Variants in PRKG1 observed in about 807,000 individuals in gnomAD.
PRKG1 encodes cGMP-dependent protein kinase 1.
Under a neutral mutation model 88.1 loss-of-function variants are expected in PRKG1, and 35 were observed. That is an observed-to-expected ratio of 0.40 (90% CI 0.30 to 0.53). PRKG1 has a LOEUF of 0.53. Ranked by LOEUF, PRKG1 falls within the 20% of genes least tolerant of loss-of-function variation. The pLI, the probability that PRKG1 is intolerant of heterozygous loss-of-function variation, is 0.59. For missense variants in PRKG1, 540 were observed against 839.8 expected (o/e 0.64, Z 4.41); for synonymous variants, 303 against 292.5 (o/e 1.04, Z -0.37).
chr10:51,613,853 A>G (rs999079811), intron 3 of PRKG1, among the ~76,000 whole-genome samples: 4 of 151,846 alleles, frequency 2.6e-5, no homozygotes, highest in African/African-American at 9.7e-5. Context: ...AAGATACTTG[A>G]TATGATTTCA....
chr10:51,605,983 G>A (rs562265039), intron 3 of PRKG1, among the ~76,000 whole-genome samples: 1 of 152,176 alleles, frequency 6.6e-6, no homozygotes, highest in East Asian at 1.9e-4. Context: ...CATGGCTAAC[G>A]CATCTGGGAC....
At chr10:51,819,386 C>T (rs1410167549) in intron 4 of PRKG1, among the ~76,000 whole-genome samples, 1 of 152,176 alleles carries the variant, frequency 6.6e-6, no homozygotes, top group Non-Finnish European at 1.5e-5. Flanking sequence ...CATTAGGCCC[C>T]ACCTCCAACA....
rs1842412831 is a variant in PRKG1, at chr10:52,297,884, A to T, written c.*3984A>T. The T allele has an allele frequency of 6.6e-6, 1 of 152,140 alleles. No homozygotes were observed. The highest frequency in any genetic ancestry group is 1.5e-5 in the Non-Finnish European group (1 of 68,016). 9.4% of individuals were successfully genotyped at this position (152,140 alleles called of 1,614,324 possible). ...CTTTTTCCGAGTTCTTGTATATGCAAATCATTTACGAGGCAAGTTTTCAAC... is the reference window on the plus strand; with the variant it reads ...CTTTTTCCGAGTTCTTGTATATGCATATCATTTACGAGGCAAGTTTTCAAC... On this transcript the variant is annotated 3_prime_UTR_variant, in exon 18 of 18. Transcript: ENST00000373980.
intron 4 of PRKG1, among the ~76,000 whole-genome samples, chr10:51,816,662 G>C (rs996981493): frequency 1.3e-5 from 2 of 151,630 alleles, no homozygotes; most frequent in Non-Finnish European, 2.9e-5. Context: ...TAATAATGAT[G>C]TAATTTTATT....
chr10:51,032,725 C>T (rs1843299778), intron 1 of PRKG1, among the ~76,000 whole-genome samples: 1 of 152,116 alleles, frequency 6.6e-6, no homozygotes, highest in Non-Finnish European at 1.5e-5. Context: ...CGACACTGCA[C>T]TACATGCAGT....
intron 2 of PRKG1, among the ~76,000 whole-genome samples, chr10:51,193,630 T>A (rs903355795): frequency 2.0e-5 from 3 of 152,030 alleles, no homozygotes; most frequent in Non-Finnish European, 2.9e-5. Flanking sequence ...TAGGAGTAAA[T>A]TAGTTGTTTT....
At chr10:51,731,995 C>T (rs979578261) in intron 3 of PRKG1, among the ~76,000 whole-genome samples, 2 of 148,434 alleles carry the variant, frequency 1.3e-5, no homozygotes, top group Non-Finnish European at 3.0e-5. Context: ...TTCCCTCCCT[C>T]TCCCCCTCCG....
At position 51,817,701 on chromosome 10, in the gene PRKG1, G is replaced by C. The variant is rs58126790; in HGVS notation, c.698+13011G>C. 1.0e-3 allele frequency among the ~76,000 whole-genome samples: 155 copies of C among 152,096 alleles called. No individual in the cohort carries two copies. In the East Asian group the frequency reaches 0.024, roughly 24 times the overall value. On this transcript the variant is annotated intron_variant, in intron 4 of 17. Transcript: ENST00000373980. ...TTTAATTTATGTTTCTATCTTGTCT[G>C]GATAAAAATATGACAAAATAATCTA...
chr10:51,551,181 G>A (rs193215388), intron 3 of PRKG1, among the ~76,000 whole-genome samples: 133 of 151,820 alleles, frequency 8.8e-4, no homozygotes, highest in Admixed American at 2.0e-3. Flanking sequence ...TGCATTTCAC[G>A]TTGACAACTC....
intron 3 of PRKG1, among the ~76,000 whole-genome samples, chr10:51,759,431 T>C (rs968917571): frequency 2.6e-5 from 4 of 152,148 alleles, no homozygotes; most frequent in Middle Eastern, 3.4e-3. Flanking sequence ...CACACCTGGC[T>C]AATTTTTGTA....
chr10:51,566,227 G>T (rs896890643), intron 3 of PRKG1, among the ~76,000 whole-genome samples: 1 of 152,044 alleles, frequency 6.6e-6, no homozygotes. Flanking sequence ...ACTATGATAT[G>T]TCAAAGTTAG....
At chr10:51,505,722 T>A (rs1841180497) in intron 3 of PRKG1, among the ~76,000 whole-genome samples, 1 of 152,156 alleles carries the variant, frequency 6.6e-6, no homozygotes, top group Admixed American at 6.6e-5. Context: ...GTCGAGGAAT[T>A]TATCCATTTC....
intron 9 of PRKG1, among the ~76,000 whole-genome samples, chr10:52,217,987 G>C (rs543447828): frequency 6.6e-6 from 1 of 152,202 alleles, no homozygotes; most frequent in East Asian, 1.9e-4. Context: ...GCCGAGGCAG[G>C]TGGTTCACAA....
At chr10:52,213,901 A>G (rs1470649344) in intron 9 of PRKG1, among the ~76,000 whole-genome samples, 1 of 152,258 alleles carries the variant, frequency 6.6e-6, no homozygotes, top group East Asian at 1.9e-4. Flanking sequence ...TGATATTTAC[A>G]AATAACACTG....
chr10:52,264,393 C>G (rs1359739512), intron 10 of PRKG1, among the ~76,000 whole-genome samples: 1 of 150,976 alleles, frequency 6.6e-6, no homozygotes, highest in Non-Finnish European at 1.5e-5. Flanking sequence ...CCTTCCCCCT[C>G]CCCTCCAGCT....
chr10:51,608,384 G>A (rs1042950880), intron 3 of PRKG1, among the ~76,000 whole-genome samples: 10 of 152,122 alleles, frequency 6.6e-5, no homozygotes. Context: ...ATTATTGATT[G>A]TTCAAAGAGT....
upstream of PRKG1, among the ~76,000 whole-genome samples, chr10:51,071,994 C>T (rs938895692): frequency 1.3e-5 from 2 of 152,088 alleles, no homozygotes; most frequent in African/African-American, 2.4e-5. Context: ...ATCAAGAGAT[C>T]GAGAACATCC....
intron 1 of PRKG1, among the ~76,000 whole-genome samples, chr10:51,145,248 A>G (rs1259957815): frequency 6.6e-6 from 1 of 152,222 alleles, no homozygotes; most frequent in Non-Finnish European, 1.5e-5. Flanking sequence ...CTTGTTGGAA[A>G]CAAATGAGTT....
chr10:51,489,134 A>T (rs1840632242), intron 3 of PRKG1, among the ~76,000 whole-genome samples: 1 of 152,172 alleles, frequency 6.6e-6, no homozygotes, highest in Admixed American at 6.6e-5. Flanking sequence ...CAGAGATAAG[A>T]AACAGCTAGC....
Sources: allele counts gnomAD v4.1 joint callset (sites outside exome capture counted in the v4.1 genomes callset), GRCh38; gene constraint gnomAD v4.1.1; transcripts MANE v1.5; gene names NCBI Gene and HGNC (gene_info 2026-07-23, HGNC 2026-07-21).